The following ZNF451 variants were observed in gnomAD, a reference collection of about 807,000 sequenced individuals.
ZNF451 encodes E3 SUMO-protein ligase ZNF451.
ZNF451 carries 80 observed loss-of-function variants against 107.1 expected under a neutral mutation model. That is an observed-to-expected ratio of 0.75 (90% CI 0.62 to 0.90). The LOEUF (loss-of-function observed/expected upper bound fraction) is 0.90, where lower values mean the gene tolerates loss of function less well. Ranked by LOEUF, ZNF451 falls within the 40% of genes least tolerant of loss-of-function variation. The probability of loss-of-function intolerance (pLI) is 0.00; values close to 1 mark genes in which losing one functional copy is unlikely to be tolerated. For missense variants in ZNF451, 1,107 were observed against 1,236.2 expected (o/e 0.90, Z 1.57); for synonymous variants, 362 against 406.5 (o/e 0.89, Z 1.32).
At chr6:57,103,322 G>A in intron 3 of ZNF451, 3 of 985,442 alleles carry the variant, frequency 3.0e-6, no homozygotes, top group Non-Finnish European at 3.6e-6. Context: ...ATCCATTAAT[G>A]ATTTGAAAGG....
At chr6:57,097,337 A>C (rs1319901603) in intron 2 of ZNF451, among the ~76,000 whole-genome samples, 1 of 152,190 alleles carries the variant, frequency 6.6e-6, no homozygotes, top group African/African-American at 2.4e-5. Flanking sequence ...TTGAGACTGG[A>C]TGCCTATTCT....
intron 3 of ZNF451, chr6:57,109,406 G>T: frequency 2.0e-6 from 2 of 985,342 alleles, no homozygotes; most frequent in Non-Finnish European, 2.4e-6. Context: ...TTGACCCTCA[G>T]CATTAGCAAG....
chr6:57,116,709 T>C (rs1237332100), intron 3 of ZNF451: 1 of 152,188 alleles, frequency 6.6e-6, no homozygotes, highest in Non-Finnish European at 1.5e-5. Flanking sequence ...AGCCCTTGCT[T>C]TCTCTACTAC....
intron 14 of ZNF451, among the ~76,000 whole-genome samples, chr6:57,161,380 C>A (rs1377546865): frequency 6.6e-6 from 1 of 152,054 alleles, no homozygotes; most frequent in Non-Finnish European, 1.5e-5. Flanking sequence ...CAAATCCAGT[C>A]CACTATCTTT....
intron 3 of ZNF451, chr6:57,108,876 A>G: frequency 2.0e-6 from 2 of 985,460 alleles, no homozygotes; most frequent in Non-Finnish European, 2.4e-6. Flanking sequence ...TAAGTCATTA[A>G]GCAACTTGCT....
In ZNF451 at chr6:57,147,087, T is replaced by C. The variant is rs1832102843; in HGVS notation, c.1005-3T>C. ...ACTTTCTATTTCTTTTTATCTAATT[T>C]AGAGTTCATTGTCGAAATGCTGGAC... On this transcript the variant is annotated splice_polypyrimidine_tract_variant and splice_region_variant and intron_variant, in intron 9 of 14. Transcript: ENST00000370706. The C allele has an allele frequency of 3.1e-6, 5 of 1,590,716 alleles. No homozygotes were observed. The highest frequency in any genetic ancestry group is 2.2e-5 in the East Asian group (1 of 44,518).
intron 2 of ZNF451, among the ~76,000 whole-genome samples, chr6:57,094,413 A>G (rs547425104): frequency 2.5e-4 from 38 of 152,030 alleles, no homozygotes; most frequent in Admixed American, 1.3e-3. Context: ...GGTTCAAGCA[A>G]CCCTCCCTCC....
chr6:57,130,402 C>T (rs1365189799), intron 5 of ZNF451, among the ~76,000 whole-genome samples: 1 of 152,114 alleles, frequency 6.6e-6, no homozygotes, highest in Non-Finnish European at 1.5e-5. Context: ...ATGACTAGCT[C>T]AGTGGTGTCA....
chr6:57,090,222 G>A lies in ZNF451; in HGVS notation c.-32G>A, dbSNP rs374193776. 183 of 1,606,380 alleles carry A rather than the reference G, an allele frequency of 1.1e-4. 1 individual carries two copies. The highest frequency in any genetic ancestry group is 1.5e-4 in the Non-Finnish European group (172 of 1,177,258). ...GACGGCGGCGGCAGGGACAGCAGGAGCAGTGGTGCTGTCAGCGCGGCCGTC... is the reference window on the plus strand; with the variant it reads ...GACGGCGGCGGCAGGGACAGCAGGAACAGTGGTGCTGTCAGCGCGGCCGTC... On this transcript the variant is annotated 5_prime_UTR_variant, in exon 1 of 15. Transcript: ENST00000370706.
chr6:57,099,027 T>G (rs1272264340), intron 2 of ZNF451, 34 bp from the exon 3 acceptor site: 1 of 1,570,670 alleles, frequency 6.4e-7, no homozygotes, highest in Non-Finnish European at 8.8e-7. Flanking sequence ...TGAATAACTG[T>G]TAATGACTTC....
intron 5 of ZNF451, among the ~76,000 whole-genome samples, chr6:57,130,037 C>CT (rs1307932100): frequency 3.9e-5 from 6 of 152,158 alleles, no homozygotes; most frequent in Admixed American, 3.9e-4. Flanking sequence ...GTTTATATGT[C>CT]TGTCTCTTCC....
At position 57,147,307 on chromosome 6, in the gene ZNF451, A is replaced by G. The variant is rs752517774; in HGVS notation, c.1222A>G (p.Asn408Asp). 9.3e-6 allele frequency: 15 copies of G among 1,614,142 alleles called. No homozygotes were observed. The Admixed American group carries it at 2.5e-4, about 27-fold the overall frequency. Residue 408 changes from asparagine (N) to aspartate (D), a missense_variant, in exon 10 of 15, where the codon AAC becomes GAC. Around this residue, in one of 5 missense-constraint regions of ZNF451, gnomAD observed 608 missense variants for 649.2 expected, o/e 0.94. Coordinates refer to ENST00000370706, the MANE Select transcript of ZNF451 (RefSeq NM_001031623.3). Reference sequence around the variant, plus strand: ...ACTCTATTGCCACAGCAGCGAAGGGAACAAGGATCCTTCTTCTGACTTGCA... The same window carrying G: ...ACTCTATTGCCACAGCAGCGAAGGGGACAAGGATCCTTCTTCTGACTTGCA... ...VLLYCHSSEG[N>D]KDPSSDLHLL...
chr6:57,095,805 CTTTTT>C (rs751828785), intron 2 of ZNF451, among the ~76,000 whole-genome samples: 3 of 150,890 alleles, frequency 2.0e-5, no homozygotes, highest in Non-Finnish European at 4.4e-5. Flanking sequence ...ATTACTGCAG[CTTTTT>C]TTTTTTGTTG....
chr6:57,148,384 G>C lies in ZNF451; in HGVS notation c.2299G>C (p.Asp767His). The C allele has an allele frequency of 1.2e-6, 2 of 1,613,766 alleles. No individual in the cohort carries two copies. The highest frequency in any genetic ancestry group is 1.7e-6 in the Non-Finnish European group (2 of 1,179,808). The part of the protein sequence containing the change: ...LCSATAQNLT[D>H]MNTHIHQVHK... ...TTCGGCAACAGCACAGAATTTAACC[G>C]ACATGAACACTCATATCCATCAAGT... The change falls in exon 10 of 15, where the codon GAC becomes CAC. Residue 767 changes from aspartate (D) to histidine (H), a missense_variant. Around this residue, in one of 5 missense-constraint regions of ZNF451, gnomAD observed 608 missense variants for 649.2 expected, o/e 0.94. Coordinates refer to ENST00000370706, the MANE Select transcript of ZNF451 (RefSeq NM_001031623.3).
chr6:57,138,723 A>ATGTGTG (rs1562615442), intron 7 of ZNF451, among the ~76,000 whole-genome samples: 7 of 116,984 alleles, frequency 6.0e-5, no homozygotes, highest in Admixed American at 1.8e-4. Context: ...ATATATATAT[A>ATGTGTG]TATATATATA....
In ZNF451 at chr6:57,147,372, A is replaced by G; in HGVS notation, c.1287A>G (p.Arg429=). The G allele has an allele frequency of 6.2e-7, 1 of 1,614,130 alleles. No individual in the cohort carries two copies. The highest frequency in any genetic ancestry group is 8.5e-7 in the Non-Finnish European group (1 of 1,179,984). The change falls in exon 10 of 15, where the codon AGA becomes AGG. Residue 429 remains arginine (R), a synonymous_variant. Transcript: ENST00000370706. ...LDQSKFSSLK[R]TMSIKESSSL... ...AATCAAAATTTTCATCACTTAAAAG[A>G]ACCATGTCTATTAAAGAATCTAGCT...
intron 10 of ZNF451, among the ~76,000 whole-genome samples, 180 bp downstream of exon 10, chr6:57,148,873 T>TA (rs1235155773): frequency 2.0e-5 from 3 of 152,192 alleles, no homozygotes; most frequent in Non-Finnish European, 2.9e-5. Flanking sequence ...TTTCTAAACT[T>TA]ACGAGGACAG....
At position 57,134,813 on chromosome 6, in the gene ZNF451, A is replaced by T. The variant is rs1593136480; in HGVS notation, c.645A>T (p.Val215=). 1.2e-6 allele frequency: 2 copies of T among 1,612,180 alleles called. No individual in the cohort carries two copies. Among genetic ancestry groups the T allele is most frequent in the East Asian group, 2.2e-5 (1 of 44,802 alleles). The change falls in exon 7 of 15, where the codon GTA becomes GTT. Residue 215 remains valine (V), a synonymous_variant. Transcript: ENST00000370706. ...HGPFFSSFAC[V]VCYKKFVTQQ... ...CTTTCTTCAGCTCCTTTGCTTGTGT[A>T]GTATGTTATAAAAAATTTGTTACTC...
Position 57,153,983 on chromosome 6 carries a change from C to A in ZNF451, c.3006C>A (p.Asn1002Lys). 2 of 1,614,124 alleles carry A rather than the reference C, an allele frequency of 1.2e-6. No individual in the cohort carries two copies. The change falls in exon 13 of 15, where the codon AAC becomes AAA. Residue 1002 changes from asparagine (N) to lysine (K), a missense_variant. Around this residue, in one of 5 missense-constraint regions of ZNF451, gnomAD observed 151 missense variants for 173.3 expected, o/e 0.87. Transcript: ENST00000370706. ...KKTQRPAHIL[N>K]PHHLEGDMMC... The stretch of plus-strand genomic sequence containing the variant: ...CTCAGAGGCCAGCTCATATACTAAA[C>A]CCTCACCACTTAGAGGGAGATATGA...
Sources: gnomAD v4.1 joint callset for allele counts (sites outside exome capture counted in the v4.1 genomes callset) on GRCh38, gnomAD v4.1.1 for gene constraint, gnomAD v4.1.1 regional missense constraint, MANE v1.5 for transcripts, NCBI Gene and HGNC (gene_info 2026-07-23, HGNC 2026-07-21) for gene names.